The following TCN2 variants were observed in gnomAD, a reference collection of about 807,000 sequenced individuals.
The protein encoded by TCN2 is transcobalamin-2.
TCN2 carries 34 observed loss-of-function variants against 48.6 expected under a neutral mutation model. The observed-to-expected ratio is 0.70, with a 90% confidence interval of 0.53 to 0.93. The LOEUF is 0.93. Among genes scored for constraint, TCN2 ranks in the 40% least tolerant of loss-of-function variants. The pLI is 0.00. For synonymous variants in TCN2, 283 were observed against 212.5 expected, an observed-to-expected ratio of 1.33 and a Z score of -2.89; for missense variants, 652 against 526.1, an observed-to-expected ratio of 1.24 and a Z score of -2.34.
intron 4 of TCN2, 66 bp from the exon 5 acceptor site, chr22:30,615,235 A>G: frequency 6.3e-7 from 1 of 1,576,016 alleles, no homozygotes; most frequent in Non-Finnish European, 8.7e-7. Flanking sequence ...CCTGACCCTC[A>G]AGCCCCTGCC....
intron 7 of TCN2, 163 bp downstream of exon 7, chr22:30,617,658 A>T (rs1349209742): frequency 4.2e-6 from 4 of 961,642 alleles, no homozygotes; most frequent in South Asian, 1.5e-5. Flanking sequence ...GGTGTTATGG[A>T]AACAGGGAGC....
chr22:30,623,821 C>CATATATACACACAT (rs1189547818), intron 8 of TCN2, among the ~76,000 whole-genome samples: 1 of 30,626 alleles, frequency 3.3e-5, no homozygotes, highest in Non-Finnish European at 5.6e-5. Flanking sequence ...TATACACACA[C>CATATATACACACAT]ATACACACAC....
At chr22:30,620,020 G>C (rs141821206) in intron 7 of TCN2, among the ~76,000 whole-genome samples, 5,575 of 152,258 alleles carry the variant, frequency 0.037, 143 homozygotes, top group Middle Eastern at 0.078. Flanking sequence ...AGCTGGGCAT[G>C]ATGGTGTGCA....
intron 7 of TCN2, chr22:30,617,842 G>T (rs1353709142): frequency 5.4e-6 from 2 of 370,206 alleles, no homozygotes; most frequent in Non-Finnish European, 1.0e-5. Context: ...TACACATAGA[G>T]ATAGTGGCAT....
rs1478930559 is a variant in TCN2 at position 30,621,352 on chromosome 22, G to A, written c.1107-1616G>A. On this transcript the variant is annotated intron_variant, in intron 7 of 8. Transcript: ENST00000215838. ...CTGCAACCATCGATAACTTAGGGCT[G>A]TATTACCCCAGAGAGCACTTTGTAG... Among the ~76,000 whole-genome samples, 4 of 152,070 alleles carry A rather than the reference G, an allele frequency of 2.6e-5. No individual in the cohort carries two copies. In the East Asian group the frequency reaches 5.8e-4, roughly 22 times the overall value.
chr22:30,610,361 T>G (rs867388286), intron 1 of TCN2: 5 of 462,360 alleles, frequency 1.1e-5, no homozygotes, highest in African/African-American at 1.0e-4. Context: ...TGTGGGCTGA[T>G]GTTTTTGTAA....
chr22:30,621,753 G>T (rs5749137), intron 7 of TCN2, among the ~76,000 whole-genome samples: 54,012 of 152,126 alleles, frequency 0.36, 10,093 homozygotes, highest in Non-Finnish European at 0.42. Flanking sequence ...CAAAGTGCTG[G>T]GATTACAAGC....
At chr22:30,617,643 C>G (rs2087633223) in intron 7 of TCN2, 148 bp downstream of exon 7, 1 of 1,085,180 alleles carries the variant, frequency 9.2e-7, no homozygotes, top group Non-Finnish European at 1.4e-6. Context: ...TCCTTTCTTG[C>G]CCACGGTGTT....
At chr22:30,613,948 C>T (rs2087575198) in intron 3 of TCN2, among the ~76,000 whole-genome samples, 2 of 152,156 alleles carry the variant, frequency 1.3e-5, no homozygotes, top group Non-Finnish European at 2.9e-5. Context: ...GACTGGCTTC[C>T]CTGCGTGCAG....
At chr22:30,618,129 T>A (rs1416557263) in intron 7 of TCN2, among the ~76,000 whole-genome samples, 3 of 150,720 alleles carry the variant, frequency 2.0e-5, no homozygotes, top group African/African-American at 7.3e-5. Context: ...TTTTTTTTTT[T>A]TTTTGAGATA....
At chr22:30,620,406 G>A (rs1018100596) in intron 7 of TCN2, among the ~76,000 whole-genome samples, 4 of 152,218 alleles carry the variant, frequency 2.6e-5, no homozygotes, top group African/African-American at 7.2e-5. Context: ...GATGCTCTGC[G>A]GAGGTGCTGG....
chr22:30,614,423 C>G lies in TCN2; in HGVS notation c.502C>G (p.Gln168Glu), dbSNP rs1305877156. 3.7e-6 allele frequency: 6 copies of G among 1,614,044 alleles called. No individual in the cohort carries two copies. The highest frequency in any genetic ancestry group is 5.1e-6 in the Non-Finnish European group (6 of 1,180,038). The change falls in exon 4 of 9, where the codon CAG becomes GAG. Residue 168 changes from glutamine to glutamate, a missense_variant. Physicochemically the swap from Gln to Glu is conservative, Grantham distance 29. Coordinates refer to ENST00000215838, the MANE Select transcript of TCN2 (RefSeq NM_000355.4). Reference protein sequence around the residue: ...GLGILALCLHQKRVHDSVVDK... With the variant: ...GLGILALCLHEKRVHDSVVDK... ...GGGCATTCTGGCCCTGTGTCTCCAC[C>G]AGAAGCGGGTCCATGACAGCGTGGT...
chr22:30,620,128 G>A (rs2087676180), intron 7 of TCN2, among the ~76,000 whole-genome samples: 1 of 151,758 alleles, frequency 6.6e-6, no homozygotes, highest in African/African-American at 2.4e-5. Flanking sequence ...CTGTCCTGTA[G>A]CCTGGATGAC....
chr22:30,614,578 C>T (rs1301051220), intron 4 of TCN2, 77 bp downstream of exon 4: 1 of 1,584,900 alleles, frequency 6.3e-7, no homozygotes. Flanking sequence ...CCTCCATACC[C>T]TGGCCCCCAC....
rs2087756231 is a variant in TCN2 at position 30,623,941 on chromosome 22, C to CACACATATGTATACATATAT, written c.1222+863_1222+864insTATGTATACATATATACACA. ...ACATATATATGTATACATATATACACACACACATATGTATACATATATACA... is the reference window on the plus strand; with the variant it reads ...ACATATATATGTATACATATATACACACACATATGTATACATATATACACACATATGTATACATATATACA... On this transcript the variant is annotated intron_variant, in intron 8 of 8. Transcript: ENST00000215838. Among the ~76,000 whole-genome samples, 2 of 90,694 alleles carry CACACATATGTATACATATAT rather than the reference C, an allele frequency of 2.2e-5. 1 individual carries two copies. Among genetic ancestry groups the CACACATATGTATACATATAT allele is most frequent in the Non-Finnish European group, 3.8e-5 (2 of 52,954 alleles). 59.5% of individuals were successfully genotyped at this position (90,694 alleles called of 152,430 possible).
chr22:30,625,270 G>C (rs1457077580), intron 8 of TCN2, among the ~76,000 whole-genome samples: 1 of 152,134 alleles, frequency 6.6e-6, no homozygotes. Flanking sequence ...TGGAGGTTGG[G>C]TGGGCAGTCC....
intron 8 of TCN2, among the ~76,000 whole-genome samples, chr22:30,623,941 C>CATATATGTATACATATAT (rs1471898086): frequency 1.1e-5 from 1 of 90,674 alleles, no homozygotes; most frequent in South Asian, 2.8e-4. Flanking sequence ...CATATATACA[C>CATATATGTATACATATAT]ACACACATAT....
intron 1 of TCN2, among the ~76,000 whole-genome samples, chr22:30,608,884 G>GC (rs1204087480): frequency 2.0e-5 from 3 of 152,198 alleles, no homozygotes; most frequent in Non-Finnish European, 2.9e-5. Context: ...CCCCACAGGA[G>GC]CCCCAATCCC....
chr22:30,608,682 G>A (rs959446411), intron 1 of TCN2, among the ~76,000 whole-genome samples: 1 of 152,246 alleles, frequency 6.6e-6, no homozygotes, highest in Middle Eastern at 3.4e-3. Context: ...GAGCCACCGT[G>A]CCCGGCCAGA....
Sources: allele counts gnomAD v4.1 joint callset (sites outside exome capture counted in the v4.1 genomes callset), GRCh38; gene constraint gnomAD v4.1.1; transcripts MANE v1.5; gene names NCBI Gene and HGNC (gene_info 2026-07-23, HGNC 2026-07-21).